RBFOX1: variants seen among roughly 807,000 people sequenced by gnomAD.
RBFOX1 encodes RNA binding protein fox-1 homolog 1.
A neutral mutation model predicts 57.7 loss-of-function variants in RBFOX1; 8 were observed. The ratio of observed to expected loss-of-function variants is 0.14; its 90% CI spans 0.08 to 0.25. RBFOX1 has a LOEUF of 0.25. Ranked by LOEUF, RBFOX1 falls within the 10% of genes least tolerant of loss-of-function variation. The pLI, the probability that RBFOX1 is intolerant of heterozygous loss-of-function variation, is 1.00. For synonymous variants in RBFOX1, 326 were observed against 222.4 expected (o/e 1.47, Z -4.15); for missense variants, 611 against 548.5 (o/e 1.11, Z -1.14).
intron 1 of RBFOX1, among the ~76,000 whole-genome samples, chr16:6,109,761 A>C (rs1220992404): frequency 6.6e-6 from 1 of 152,198 alleles, no homozygotes; most frequent in Non-Finnish European, 1.5e-5. Context: ...GGGCAGCTGA[A>C]ATGCCACAGG....
intron 3 of RBFOX1, among the ~76,000 whole-genome samples, chr16:6,836,806 G>A (rs1055259607): frequency 1.3e-5 from 2 of 152,124 alleles, no homozygotes; most frequent in Admixed American, 6.5e-5. Context: ...AAGTACAGAT[G>A]TTTTTTAAAA....
intron 1 of RBFOX1, among the ~76,000 whole-genome samples, chr16:5,421,507 T>A (rs1596987033): frequency 6.6e-6 from 1 of 152,092 alleles, no homozygotes; most frequent in East Asian, 1.9e-4. Flanking sequence ...AGTTAGGATG[T>A]CATGAGTCTC....
intron 4 of RBFOX1, among the ~76,000 whole-genome samples, chr16:7,199,920 A>G (rs1194313479): frequency 2.0e-5 from 3 of 152,096 alleles, no homozygotes; most frequent in East Asian, 1.9e-4. Flanking sequence ...AACAACAACA[A>G]CAACAACAAC....
At chr16:5,759,824 C>T (rs1460286695) in intron 3 of RBFOX1, among the ~76,000 whole-genome samples, 4 of 152,048 alleles carry the variant, frequency 2.6e-5, no homozygotes, top group Non-Finnish European at 4.4e-5. Flanking sequence ...AAGCACTTCT[C>T]CCTCACCAGT....
chr16:7,586,025 A>G (rs540781605), intron 6 of RBFOX1, among the ~76,000 whole-genome samples: 41 of 152,332 alleles, frequency 2.7e-4, no homozygotes, highest in East Asian at 1.7e-3. Flanking sequence ...AAAGGATGCA[A>G]TTAAAATCCA....
intron 4 of RBFOX1, among the ~76,000 whole-genome samples, chr16:7,209,521 C>T (rs1296190895): frequency 1.3e-5 from 2 of 152,190 alleles, no homozygotes; most frequent in African/African-American, 4.8e-5. Flanking sequence ...ACATGGCTGG[C>T]TCTTGCCCTT....
At chr16:6,287,491 A>G (rs1326334995) in intron 1 of RBFOX1, among the ~76,000 whole-genome samples, 1 of 152,168 alleles carries the variant, frequency 6.6e-6, no homozygotes, top group African/African-American at 2.4e-5. Flanking sequence ...TTAGGGCTGC[A>G]ATACCAAATA....
chr16:5,746,567 A>G (rs1369586496), intron 3 of RBFOX1, among the ~76,000 whole-genome samples: 2 of 152,224 alleles, frequency 1.3e-5, no homozygotes, highest in African/African-American at 4.8e-5. Flanking sequence ...CTTCCTATCC[A>G]TGAGCATGGA....
At chr16:6,895,903 A>T (rs961378633) in intron 3 of RBFOX1, among the ~76,000 whole-genome samples, 11 of 151,890 alleles carry the variant, frequency 7.2e-5, no homozygotes, top group African/African-American at 2.7e-4. Flanking sequence ...CTTTTTGTAA[A>T]ATGTTTTTTT....
intron 9 of RBFOX1, among the ~76,000 whole-genome samples, chr16:7,601,854 A>C (rs2095042331): frequency 6.6e-6 from 1 of 152,294 alleles, no homozygotes; most frequent in South Asian, 2.1e-4. Flanking sequence ...ACGGAATTTA[A>C]ATTTTGGCAA....
intron 3 of RBFOX1, among the ~76,000 whole-genome samples, chr16:5,645,560 T>C (rs1268492249): frequency 6.6e-6 from 1 of 152,246 alleles, no homozygotes; most frequent in Non-Finnish European, 1.5e-5. Context: ...TAAATTGTTA[T>C]ATGAATTTTG....
chr16:5,572,622 G>A (rs972298724), intron 2 of RBFOX1, among the ~76,000 whole-genome samples: 27 of 152,288 alleles, frequency 1.8e-4, no homozygotes, highest in African/African-American at 6.5e-4. Context: ...CTGTGCAGCG[G>A]GAAGAGAGAA....
At chr16:6,485,340 C>T (rs547646753) in intron 2 of RBFOX1, among the ~76,000 whole-genome samples, 1 of 150,430 alleles carries the variant, frequency 6.6e-6, no homozygotes, top group South Asian at 2.1e-4. Flanking sequence ...CTCCTCCCTC[C>T]CTCTCTTACC....
chr16:6,819,372 C>T (rs1049228300), intron 3 of RBFOX1, among the ~76,000 whole-genome samples: 1 of 152,112 alleles, frequency 6.6e-6, no homozygotes, highest in African/African-American at 2.4e-5. Flanking sequence ...ACACACACAT[C>T]CTTTAACATG....
intron 4 of RBFOX1, among the ~76,000 whole-genome samples, chr16:5,929,522 C>G (rs886183033): frequency 6.6e-5 from 10 of 152,160 alleles, no homozygotes; most frequent in Non-Finnish European, 4.4e-5. Context: ...AGGACATAAT[C>G]TATTTAAATT....
chr16:6,766,741 C>G (rs1041160746), intron 3 of RBFOX1, among the ~76,000 whole-genome samples: 3 of 152,086 alleles, frequency 2.0e-5, no homozygotes, highest in Admixed American at 6.6e-5. Context: ...AGTGAATTCA[C>G]TGAAATTCAC....
At chr16:6,856,902 G>C (rs2058012997) in intron 3 of RBFOX1, among the ~76,000 whole-genome samples, 1 of 151,942 alleles carries the variant, frequency 6.6e-6, no homozygotes, top group Admixed American at 6.6e-5. Context: ...GACAGAGAAA[G>C]GGAAAAGAAA....
chr16:6,029,699 G>A (rs1291011990), intron 1 of RBFOX1, among the ~76,000 whole-genome samples: 1 of 151,476 alleles, frequency 6.6e-6, no homozygotes, highest in Non-Finnish European at 1.5e-5. Flanking sequence ...CGTGAACATG[G>A]GGAGCGGAGT....
At chr16:6,484,017 G>C (rs1280979852) in intron 2 of RBFOX1, 1 of 892,418 alleles carries the variant, frequency 1.1e-6, no homozygotes, top group African/African-American at 1.8e-5. Flanking sequence ...GAGAGGGCTA[G>C]GGGGCGTTTA....
Sources: allele counts gnomAD v4.1 joint callset (sites outside exome capture counted in the v4.1 genomes callset), GRCh38; gene constraint gnomAD v4.1.1; transcripts MANE v1.5; gene names NCBI Gene and HGNC (gene_info 2026-07-23, HGNC 2026-07-21).